The following AP3B1 variants were observed in gnomAD, a reference collection of about 807,000 sequenced individuals.
AP3B1 encodes AP-3 complex subunit beta-1.
In AP3B1, 61 loss-of-function variants were observed where a neutral mutation model predicts 132.5. The ratio of observed to expected loss-of-function variants is 0.46; its 90% confidence interval spans 0.37 to 0.57. AP3B1 has a LOEUF of 0.57. AP3B1 is among the 20% of genes least tolerant of loss of function. The pLI is 0.00. For missense variants in AP3B1, 1,120 were observed against 1,289.4 expected (o/e 0.87, Z 2.01); for synonymous variants, 388 against 438.3 (o/e 0.89, Z 1.43).
chr5:78,215,068 G>C (rs2112475357), intron 7 of AP3B1, among the ~76,000 whole-genome samples: 1 of 152,076 alleles, frequency 6.6e-6, no homozygotes, highest in Non-Finnish European at 1.5e-5. Flanking sequence ...AGCTTGATGT[G>C]TCATTTAAAG....
chr5:78,162,207 G>GGTA (rs1443961166), intron 13 of AP3B1, among the ~76,000 whole-genome samples: 1 of 152,064 alleles, frequency 6.6e-6, no homozygotes, highest in South Asian at 2.1e-4. Context: ...AGAAATAACT[G>GGTA]ACGCTTTGCC....
At chr5:78,189,154 G>A (rs1399780821) in intron 7 of AP3B1, among the ~76,000 whole-genome samples, 1 of 152,022 alleles carries the variant, frequency 6.6e-6, no homozygotes, top group Non-Finnish European at 1.5e-5. Context: ...ATTGATAGGT[G>A]CAGCAAACCA....
In AP3B1 at chr5:78,162,859, C is replaced by A. The variant is rs575489317; in HGVS notation, c.1323G>T (p.Thr441=). The A allele has an allele frequency of 6.2e-7, 1 of 1,613,966 alleles. No individual in the cohort carries two copies. The highest frequency in any genetic ancestry group is 8.5e-7 in the Non-Finnish European group (1 of 1,179,888). Residue 441 remains threonine, a synonymous_variant, in exon 13 of 27, where the codon ACG becomes ACT. Transcript: ENST00000255194. Reference sequence around the variant, plus strand: ...GCAGACAGACCAAGCCATTGAGGCACGTGTCAGTGACTTCCAAGATGTTGG... The same window carrying A: ...GCAGACAGACCAAGCCATTGAGGCAAGTGTCAGTGACTTCCAAGATGTTGG... The part of the protein sequence containing the change: ...CATNILEVTD[T]CLNGLVCLLS...
At chr5:78,004,894 A>T (rs934125907) in intron 26 of AP3B1, among the ~76,000 whole-genome samples, 4 of 152,216 alleles carry the variant, frequency 2.6e-5, no homozygotes, top group African/African-American at 9.6e-5. Context: ...TCTGCTTTTC[A>T]GACGTACACA....
At chr5:78,080,598 GAAATACCCACTGGGTAT>G (rs1749953610) in intron 22 of AP3B1, among the ~76,000 whole-genome samples, 1 of 137,996 alleles carries the variant, frequency 7.2e-6, no homozygotes, top group Admixed American at 7.4e-5. Flanking sequence ...ATTACTCTCT[GAAATACCCACTGGGTAT>G]GCCTCCAATT....
intron 7 of AP3B1, among the ~76,000 whole-genome samples, chr5:78,209,857 A>G (rs1004316196): frequency 4.6e-5 from 7 of 152,176 alleles, no homozygotes; most frequent in Non-Finnish European, 8.8e-5. Flanking sequence ...GTTCCTTGGT[A>G]AAATTTAAAG....
chr5:78,041,929 CT>C, intron 22 of AP3B1: 2 of 203,426 alleles, frequency 9.8e-6, no homozygotes, highest in Non-Finnish European at 1.0e-5. Flanking sequence ...TGAGACCAGG[CT>C]TTTCCCATCA....
intron 9 of AP3B1, among the ~76,000 whole-genome samples, chr5:78,176,425 A>G (rs919070459): frequency 6.6e-6 from 1 of 152,178 alleles, no homozygotes; most frequent in East Asian, 1.9e-4. Context: ...ACACAAAGGA[A>G]ATGGCATCTC....
At chr5:78,149,928 CT>C (rs368425320) in intron 14 of AP3B1, among the ~76,000 whole-genome samples, 8,325 of 143,516 alleles carry the variant, frequency 0.058, 637 homozygotes, top group African/African-American at 0.18. Context: ...GTAAGCCATA[CT>C]TTTTTTTTTT....
intron 22 of AP3B1, among the ~76,000 whole-genome samples, chr5:78,046,423 C>T (rs774664056): frequency 2.0e-5 from 3 of 152,178 alleles, no homozygotes; most frequent in Admixed American, 6.5e-5. Flanking sequence ...CTATTCCCAA[C>T]GGTCCATGGA....
Position 78,177,443 on chromosome 5 carries a change from G to A in AP3B1, c.943-7C>T. 6.2e-7 allele frequency: 1 copy of A among 1,604,546 alleles called. No homozygotes were observed. Among genetic ancestry groups the A allele is most frequent in the South Asian group, 1.1e-5 (1 of 90,882 alleles). On this transcript the variant is annotated splice_polypyrimidine_tract_variant and splice_region_variant and intron_variant, in intron 8 of 26. Coordinates refer to ENST00000255194, the MANE Select transcript of AP3B1 (RefSeq NM_003664.5). ...GAGCAACTGCCATAACCACCTACAA[G>A]ATAAAGCATAAAAATAACAGAACTA...
intron 3 of AP3B1, among the ~76,000 whole-genome samples, chr5:78,240,400 CA>C (rs1324131246): frequency 1.1e-4 from 17 of 152,140 alleles, no homozygotes; most frequent in Admixed American, 2.6e-4. Context: ...TCAATAAATC[CA>C]CATATATGTA....
chr5:78,010,092 A>G (rs934983123), intron 26 of AP3B1, among the ~76,000 whole-genome samples: 3 of 152,214 alleles, frequency 2.0e-5, no homozygotes, highest in Non-Finnish European at 4.4e-5. Context: ...ATGGTCTAAG[A>G]CTGTTTTATA....
chr5:78,099,097 C>T (rs530956969), intron 21 of AP3B1, among the ~76,000 whole-genome samples: 23 of 152,284 alleles, frequency 1.5e-4, no homozygotes, highest in Non-Finnish European at 2.4e-4. Context: ...ATGGTGTTTC[C>T]TCCTTCTGTC....
intron 22 of AP3B1, among the ~76,000 whole-genome samples, chr5:78,045,593 A>G (rs1748297820): frequency 6.6e-6 from 1 of 152,112 alleles, no homozygotes; most frequent in African/African-American, 2.4e-5. Context: ...TTATATTAAT[A>G]TTAACATATA....
intron 1 of AP3B1, among the ~76,000 whole-genome samples, chr5:78,281,457 A>AAC (rs1561219265): frequency 2.7e-5 from 4 of 148,374 alleles, no homozygotes; most frequent in African/African-American, 7.4e-5. Context: ...AAAAAAAAAA[A>AAC]CAGTTCTCAT....
intron 22 of AP3B1, among the ~76,000 whole-genome samples, chr5:78,063,093 C>T (rs1327338819): frequency 6.6e-6 from 1 of 152,178 alleles, no homozygotes; most frequent in Non-Finnish European, 1.5e-5. Flanking sequence ...TTCAAAACAG[C>T]ATGCTGTCCC....
At chr5:78,114,148 G>A (rs543679618) in intron 18 of AP3B1, among the ~76,000 whole-genome samples, 138 of 152,236 alleles carry the variant, frequency 9.1e-4, no homozygotes, top group South Asian at 1.5e-3. Context: ...CTGACAACGA[G>A]GAGAGAAAAG....
intron 22 of AP3B1, among the ~76,000 whole-genome samples, chr5:78,072,551 T>A (rs1247564455): frequency 6.6e-6 from 1 of 152,000 alleles, no homozygotes; most frequent in Non-Finnish European, 1.5e-5. Flanking sequence ...TACAGAGGTG[T>A]AAAGCAGATT....
Sources: gnomAD v4.1 joint callset for allele counts (sites outside exome capture counted in the v4.1 genomes callset) on GRCh38, gnomAD v4.1.1 for gene constraint, MANE v1.5 for transcripts, NCBI Gene and HGNC (gene_info 2026-07-23, HGNC 2026-07-21) for gene names.